NETO1: variants seen among roughly 807,000 people sequenced by gnomAD.
NETO1 encodes neuropilin and tolloid like 1.
Under a neutral mutation model 61.3 loss-of-function variants are expected in NETO1, and 26 were observed. That is an observed-to-expected ratio of 0.42 (90% CI 0.31 to 0.59). The LOEUF (loss-of-function observed/expected upper bound fraction) is 0.59. NETO1 is among the 20% of genes least tolerant of loss of function. The pLI, the probability that NETO1 is intolerant of heterozygous loss-of-function variation, is 0.12. For missense variants in NETO1, 531 were observed against 662.8 expected (o/e 0.80, Z 2.18); for synonymous variants, 225 against 225.8 (o/e 1.00, Z 0.03).
At chr18:72,840,680 T>C (rs2073902419) in intron 4 of NETO1, among the ~76,000 whole-genome samples, 1 of 152,224 alleles carries the variant, frequency 6.6e-6, no homozygotes, top group Non-Finnish European at 1.5e-5. Context: ...GGAAATTATA[T>C]TCTTAGACTT....
At chr18:72,764,346 T>C (rs12966518) in intron 7 of NETO1, among the ~76,000 whole-genome samples, 45,114 of 151,812 alleles carry the variant, frequency 0.3, 7,846 homozygotes, top group South Asian at 0.41. Context: ...ATATGACACA[T>C]ATCAACATTC....
At chr18:72,804,108 T>C (rs925614889) in intron 4 of NETO1, among the ~76,000 whole-genome samples, 1 of 152,126 alleles carries the variant, frequency 6.6e-6, no homozygotes, top group African/African-American at 2.4e-5. Context: ...TTGGTATAAT[T>C]TGAATATTAC....
chr18:72,757,040 G>T (rs2070807540), intron 7 of NETO1, among the ~76,000 whole-genome samples: 1 of 152,080 alleles, frequency 6.6e-6, no homozygotes, highest in African/African-American at 2.4e-5. Flanking sequence ...GCTAACTTTT[G>T]TTTTTACCTT....
intron 7 of NETO1, among the ~76,000 whole-genome samples, chr18:72,758,385 TTGTGTG>T (rs71166416): frequency 7.0e-6 from 1 of 142,832 alleles, no homozygotes; most frequent in African/African-American, 2.6e-5. Context: ...TTTTTTTTCT[TTGTGTG>T]TGTGTGTGTG....
chr18:72,774,866 T>C (rs1223029193), intron 7 of NETO1, among the ~76,000 whole-genome samples: 9 of 152,246 alleles, frequency 5.9e-5, no homozygotes, highest in Admixed American at 1.3e-4. Context: ...TTTGTGTGAT[T>C]CAAATGCAAA....
rs781199447 is a variant in NETO1, at chr18:72,835,463, A to G, written c.469+23363T>C. 1.0e-5 allele frequency: 5 copies of G among 478,480 alleles called. No homozygotes were observed. The East Asian group carries it at 1.8e-4, about 18-fold the overall frequency. The allele number at this position is 478,480 out of a possible 1,614,324, so 29.6% of individuals were successfully genotyped here. ...GGAATACAAGTTAAAACTCCTGTTT[A>G]TTCTATTCTAGTAACTCAGGTATGA... On this transcript the variant is annotated intron_variant, in intron 4 of 10. Transcript: ENST00000327305.
At chr18:72,804,123 T>TA (rs2072597675) in intron 4 of NETO1, among the ~76,000 whole-genome samples, 1 of 152,124 alleles carries the variant, frequency 6.6e-6, no homozygotes, top group Admixed American at 6.5e-5. Context: ...TATTACTTAA[T>TA]AAATAGCTAT....
intron 4 of NETO1, among the ~76,000 whole-genome samples, chr18:72,796,201 G>A (rs966141678): frequency 4.6e-5 from 7 of 152,194 alleles, no homozygotes; most frequent in Non-Finnish European, 1.0e-4. Context: ...ATCTAAGTGC[G>A]TTTCTTTGTA....
chr18:72,744,699 G>T lies in NETO1; in HGVS notation c.*3480C>A, dbSNP rs2070395120. 1 of 152,010 alleles carries T rather than the reference G, an allele frequency of 6.6e-6. No individual in the cohort carries two copies. The highest frequency in any genetic ancestry group is 2.4e-5 in the African/African-American group (1 of 41,396). 9.4% of individuals were successfully genotyped at this position (152,010 alleles called of 1,614,324 possible). A position where few individuals can be genotyped will look rare whatever the true frequency, so the allele number is the denominator to read the frequency against. On this transcript the variant is annotated 3_prime_UTR_variant, in exon 11 of 11. Transcript: ENST00000327305. ...GTTTATTTAACTTCCCTTCAGAGAG[G>T]GAATCTGACATGACTCATTTTCATC...
chr18:72,867,055 T>G (rs889826997), intron 1 of NETO1: 4 of 467,232 alleles, frequency 8.6e-6, no homozygotes, highest in Non-Finnish European at 1.5e-5. Flanking sequence ...CCGGCAGGTT[T>G]TGGGATCCGG....
intron 3 of NETO1, among the ~76,000 whole-genome samples, chr18:72,861,959 C>T (rs1410941763): frequency 6.6e-6 from 1 of 152,162 alleles, no homozygotes; most frequent in African/African-American, 2.4e-5. Flanking sequence ...ACAACTGGCA[C>T]TTTGACTACT....
chr18:72,782,208 C>T (rs2071765984), intron 7 of NETO1, among the ~76,000 whole-genome samples: 2 of 152,116 alleles, frequency 1.3e-5, no homozygotes, highest in African/African-American at 4.8e-5. Flanking sequence ...CATAGTATTC[C>T]ACAATATATA....
rs149841062 is a variant in NETO1 at position 72,770,530 on chromosome 18, T to C, written c.868+13148A>G. 6.1e-3 allele frequency among the ~76,000 whole-genome samples: 935 copies of C among 152,244 alleles called. 3 individuals are homozygous for C. The highest frequency in any genetic ancestry group is 9.4e-3 in the Non-Finnish European group (638 of 67,966). ...ATTGTTTATATTTAAATCTGCACCA[T>C]CTGGTATTTATGCTACTATATGACA... On this transcript the variant is annotated intron_variant, in intron 7 of 10. Coordinates refer to ENST00000327305, the MANE Select transcript of NETO1 (RefSeq NM_138966.5).
chr18:72,824,636 G>A (rs1397923692), intron 4 of NETO1, among the ~76,000 whole-genome samples: 5 of 151,888 alleles, frequency 3.3e-5, no homozygotes, highest in Non-Finnish European at 4.4e-5. Context: ...AGGCCGAGGC[G>A]GGCAGATCAC....
chr18:72,817,191 C>T (rs137993743), intron 4 of NETO1, among the ~76,000 whole-genome samples: 26 of 152,292 alleles, frequency 1.7e-4, no homozygotes, highest in African/African-American at 5.8e-4. Flanking sequence ...CTAGACATGG[C>T]GGTTCCTGCT....
intron 8 of NETO1, among the ~76,000 whole-genome samples, chr18:72,755,347 T>C (rs191145016): frequency 7.9e-5 from 12 of 152,306 alleles, no homozygotes; most frequent in African/African-American, 2.9e-4. Flanking sequence ...TAGATAATAC[T>C]GGACTTCAAG....
At chr18:72,808,428 T>TGTGTGTGTGC (rs1432892151) in intron 4 of NETO1, among the ~76,000 whole-genome samples, 31 of 150,548 alleles carry the variant, frequency 2.1e-4, no homozygotes, top group South Asian at 1.5e-3. Flanking sequence ...TTTGTGTGTG[T>TGTGTGTGTGC]GTGTGTGTGT....
rs1208746377 is a variant in NETO1 at position 72,772,821 on chromosome 18, CTCTCTATATATATATATATATA to C, written c.868+10835_868+10856del. ...TCTCTCTCTCTCTCTCTCTCTCTCT[CTCTCTATATATATATATATATA>C]TATATATATATATATATATATATAT... On this transcript the variant is annotated intron_variant, in intron 7 of 10. Transcript: ENST00000327305. Among the ~76,000 whole-genome samples the C allele has an allele frequency of 8.4e-3, 425 of 50,580 alleles. 3 individuals carry two copies. The highest frequency in any genetic ancestry group is 0.033 in the African/African-American group (392 of 11,866). The allele number at this position is 50,580 out of a possible 152,430, so 33.2% of individuals were successfully genotyped here. A position where few individuals can be genotyped will look rare whatever the true frequency, so the allele number is the denominator to read the frequency against.
intron 7 of NETO1, among the ~76,000 whole-genome samples, chr18:72,781,724 G>C (rs538473500): frequency 6.6e-6 from 1 of 152,114 alleles, no homozygotes; most frequent in Non-Finnish European, 1.5e-5. Context: ...AACAGTATTG[G>C]CTCCTCTGCT....
Sources: allele counts gnomAD v4.1 joint callset (sites outside exome capture counted in the v4.1 genomes callset), GRCh38; gene constraint gnomAD v4.1.1; transcripts MANE v1.5; gene names NCBI Gene and HGNC (gene_info 2026-07-23, HGNC 2026-07-21).